LAMA3: variants seen among roughly 807,000 people sequenced by gnomAD.
The protein encoded by LAMA3 is laminin subunit alpha-3.
A neutral mutation model predicts 402.0 loss-of-function variants in LAMA3; 281 were observed. The observed-to-expected ratio is 0.70, with a 90% confidence interval of 0.63 to 0.77. LAMA3 has a LOEUF of 0.77. Ranked by LOEUF, LAMA3 falls within the 30% of genes least tolerant of loss-of-function variation. LAMA3 has a pLI of 0.00. For synonymous variants in LAMA3, 1,431 were observed against 1,558.4 expected (o/e 0.92, Z 1.93); for missense variants, 3,840 against 4,215.5 (o/e 0.91, Z 2.47).
At chr18:23,943,240 G>A (rs1282485508) in intron 68 of LAMA3, among the ~76,000 whole-genome samples, 1 of 152,214 alleles carries the variant, frequency 6.6e-6, no homozygotes, top group Non-Finnish European at 1.5e-5. Context: ...TCAAGTAGTC[G>A]TGTTCATCGA....
rs779474384 is a variant in LAMA3 at position 23,946,186 on chromosome 18, G to C, written c.9253G>C (p.Asp3085His). The C allele has an allele frequency of 6.2e-7, 1 of 1,614,092 alleles. No individual in the cohort carries two copies. Among genetic ancestry groups the C allele is most frequent in the Admixed American group, 1.7e-5 (1 of 60,028 alleles). Residue 3085 changes from aspartate (D) to histidine (H), a missense_variant, in exon 70 of 75, where the codon GAT becomes CAT. By Grantham distance (81) the Asp-to-His change is moderately conservative. Around this residue, in one of 3 missense-constraint regions of LAMA3, gnomAD observed 840 missense variants for 981.9 expected, o/e 0.86. Coordinates refer to ENST00000313654, the MANE Select transcript of LAMA3 (RefSeq NM_198129.4). ...TGGGGAAAAGGGGCGCTTGGTTGTG[G>C]ATGGACTGAGGGCCCGGGAGGGAAG... is the stretch of plus-strand genomic sequence containing the variant. ...HDGEKGRLVV[D>H]GLRAREGSLP...
At chr18:23,781,627 G>A (rs1411278860) in intron 11 of LAMA3, among the ~76,000 whole-genome samples, 1 of 152,178 alleles carries the variant, frequency 6.6e-6, no homozygotes, top group Non-Finnish European at 1.5e-5. Context: ...TACATTGTGG[G>A]ACCCTGGCTA....
chr18:23,709,662 TGG>T (rs1414438850), intron 1 of LAMA3, among the ~76,000 whole-genome samples: 3 of 152,072 alleles, frequency 2.0e-5, no homozygotes, highest in Admixed American at 2.0e-4. Flanking sequence ...AAAAATAAAG[TGG>T]CCTGTCCCAG....
chr18:23,775,692 A>G, intron 9 of LAMA3, 100 bp from the exon 10 acceptor site: 1 of 1,359,320 alleles, frequency 7.4e-7, no homozygotes, highest in African/African-American at 1.4e-5. Context: ...CCTATAGACC[A>G]AGGATCAAGT....
chr18:23,817,961 C>T (rs111785166), intron 18 of LAMA3, among the ~76,000 whole-genome samples: 2 of 152,144 alleles, frequency 1.3e-5, no homozygotes, highest in African/African-American at 4.8e-5. Flanking sequence ...CAAGACCAGC[C>T]TGGCCAACAT....
intron 62 of LAMA3, among the ~76,000 whole-genome samples, chr18:23,921,805 G>A (rs182182573): frequency 6.6e-6 from 1 of 152,202 alleles, no homozygotes; most frequent in Admixed American, 6.5e-5. Context: ...GTGTGTCACC[G>A]CCATTGTCAT....
chr18:23,871,541 T>C lies in LAMA3; in HGVS notation c.4878T>C (p.Thr1626=), dbSNP rs748782671. 3 of 1,614,172 alleles carry C rather than the reference T, an allele frequency of 1.9e-6. No homozygotes were observed. Among genetic ancestry groups the C allele is most frequent in the Non-Finnish European group, 2.5e-6 (3 of 1,180,026 alleles). Residue 1626 remains threonine (T), a synonymous_variant, in exon 38 of 75, where the codon ACT becomes ACC. Coordinates refer to ENST00000313654, the MANE Select transcript of LAMA3 (RefSeq NM_198129.4). ...TCCAAGGCCTCTACTTCACAGAGAC[T>C]CAAAGGCTCACCCTGAGCGAGGTGG... ...VRIQGLYFTE[T]QRLTLSEVGL...
chr18:23,821,477 A>G (rs1373863743), intron 19 of LAMA3, among the ~76,000 whole-genome samples: 2 of 152,190 alleles, frequency 1.3e-5, no homozygotes, highest in Non-Finnish European at 2.9e-5. Flanking sequence ...TAAAAGAACC[A>G]CTGATTTGGG....
At chr18:23,868,454 A>G (rs574110430) in intron 37 of LAMA3, among the ~76,000 whole-genome samples, 2 of 152,286 alleles carry the variant, frequency 1.3e-5, no homozygotes, top group East Asian at 3.9e-4. Flanking sequence ...TGTCTGCACA[A>G]AAGCAAAATT....
intron 12 of LAMA3, among the ~76,000 whole-genome samples, chr18:23,791,753 A>G (rs74582987): frequency 6.6e-6 from 1 of 151,468 alleles, no homozygotes; most frequent in Non-Finnish European, 1.5e-5. Flanking sequence ...AAAAAAAAAA[A>G]AAACCACAAA....
chr18:23,892,028 G>T lies in LAMA3; in HGVS notation c.5410+1911G>T, dbSNP rs935951842. Among the ~76,000 whole-genome samples, 4 of 152,242 alleles carry T rather than the reference G, an allele frequency of 2.6e-5. No homozygotes were observed. The East Asian group carries it at 7.7e-4, about 29-fold the overall frequency. ...ACATGTTTGTTAGGCTGGCGTGTGGGAAAGGGTTGGTATTGTTCTCTGAGA... is the reference window on the plus strand; with the variant it reads ...ACATGTTTGTTAGGCTGGCGTGTGGTAAAGGGTTGGTATTGTTCTCTGAGA... On this transcript the variant is annotated intron_variant, in intron 42 of 74. Transcript: ENST00000313654.
At chr18:23,874,468 C>G (rs1218266646) in intron 38 of LAMA3, among the ~76,000 whole-genome samples, 1 of 152,216 alleles carries the variant, frequency 6.6e-6, no homozygotes, top group Non-Finnish European at 1.5e-5. Context: ...ACTCTTTGCC[C>G]TAAACATGGT....
At chr18:23,761,882 T>C (rs1003254406) in intron 7 of LAMA3, among the ~76,000 whole-genome samples, 2 of 152,176 alleles carry the variant, frequency 1.3e-5, no homozygotes, top group African/African-American at 4.8e-5. Flanking sequence ...TAATAAATAA[T>C]AATGTTAGTG....
In LAMA3 at chr18:23,693,982, T is replaced by A. The variant is rs369316695; in HGVS notation, c.294+4005T>A. ...GTCACCTGGGCAGGGCTGCATCTGCTCAGAGGCAGGGAGTCTTTTTCTGCT... is the reference window on the plus strand; with the variant it reads ...GTCACCTGGGCAGGGCTGCATCTGCACAGAGGCAGGGAGTCTTTTTCTGCT... On this transcript the variant is annotated intron_variant, in intron 1 of 74. Transcript: ENST00000313654. Among the ~76,000 whole-genome samples, 127 of 150,362 alleles carry A rather than the reference T, an allele frequency of 8.4e-4. 3 individuals are homozygous for A. In the South Asian group the frequency reaches 0.026, roughly 30 times the overall value.
At chr18:23,735,297 C>T (rs940626722) in intron 2 of LAMA3, among the ~76,000 whole-genome samples, 1 of 152,162 alleles carries the variant, frequency 6.6e-6, no homozygotes, top group Non-Finnish European at 1.5e-5. Flanking sequence ...GTCATTTGAC[C>T]AGAACATGCA....
intron 68 of LAMA3, among the ~76,000 whole-genome samples, chr18:23,940,119 G>A (rs568934741): frequency 6.6e-6 from 1 of 152,340 alleles, no homozygotes; most frequent in Non-Finnish European, 1.5e-5. Flanking sequence ...ATGGGCAAGA[G>A]GTTCATTGTG....
intron 23 of LAMA3, among the ~76,000 whole-genome samples, chr18:23,831,115 A>G (rs868195915): frequency 6.6e-6 from 1 of 152,076 alleles, no homozygotes; most frequent in South Asian, 2.1e-4. Flanking sequence ...CCAAAATACA[A>G]TCATTTTTGT....
intron 12 of LAMA3, among the ~76,000 whole-genome samples, chr18:23,790,771 T>G (rs987310039): frequency 2.0e-4 from 30 of 152,156 alleles, no homozygotes; most frequent in African/African-American, 7.0e-4. Context: ...CATAATTCCT[T>G]CCCAACCCTG....
chr18:23,758,537 C>G, intron 7 of LAMA3, 26 bp downstream of exon 7: 1 of 1,494,988 alleles, frequency 6.7e-7, no homozygotes. Flanking sequence ...GGGTGGGGGC[C>G]ACACGTGGCC....
Sources: allele counts gnomAD v4.1 joint callset (sites outside exome capture counted in the v4.1 genomes callset), GRCh38; gene constraint gnomAD v4.1.1; regional missense constraint gnomAD v4.1.1; transcripts MANE v1.5; gene names NCBI Gene and HGNC (gene_info 2026-07-23, HGNC 2026-07-21).